The following PDHA1 variants were observed in gnomAD, a reference collection of about 807,000 sequenced individuals.
PDHA1 encodes the protein pyruvate dehydrogenase E1 component subunit alpha, somatic form, mitochondrial.
PDHA1 carries 1 observed loss-of-function variant against 33.0 expected under a neutral mutation model. The ratio of observed to expected loss-of-function variants is 0.03; its 90% CI spans 0.01 to 0.14. The LOEUF (loss-of-function observed/expected upper bound fraction) is 0.14, where lower values mean the gene tolerates loss of function less well. Among genes scored for constraint, PDHA1 ranks in the 10% least tolerant of loss-of-function variants. The pLI, the probability that PDHA1 is intolerant of heterozygous loss-of-function variation, is 1.00. For missense variants in PDHA1, 168 were observed against 325.1 expected (o/e 0.52, Z 3.72); for synonymous variants, 123 against 119.2 (o/e 1.03, Z -0.21).
chrX:19,355,185 C>T lies in PDHA1; in HGVS notation c.604-164C>T, dbSNP rs1602227321. Reference sequence around the variant, plus strand: ...AGTATGATGCCTGCTACTTCTCCTCCACCACCCACCCCGCTTTCCCTCACC... The same window carrying T: ...AGTATGATGCCTGCTACTTCTCCTCTACCACCCACCCCGCTTTCCCTCACC... On this transcript the variant is annotated intron_variant, in intron 6 of 10. Transcript: ENST00000422285. The T allele has an allele frequency of 1.8e-5, 10 of 568,482 alleles. No individual in the cohort carries two copies. The East Asian group carries it at 3.1e-4, about 18-fold the overall frequency. The allele number at this position is 568,482 out of a possible 1,213,427, so 46.8% of individuals were successfully genotyped here.
chrX:19,357,501 T>TCAAC, intron 8 of PDHA1, 151 bp from the exon 9 acceptor site: 1 of 560,050 alleles, frequency 1.8e-6, no homozygotes. Context: ...AACAGATCAG[T>TCAAC]CAACCAATAA....
In PDHA1 at chrX:19,360,673, C is replaced by T; in HGVS notation, c.*1020C>T. The stretch of plus-strand genomic sequence containing the variant: ...TTAAATATGTAAACACAGCGGAATT[C>T]GTGTATACACTAACAGAAGCTTTAA... On this transcript the variant is annotated 3_prime_UTR_variant, in exon 11 of 11. Transcript: ENST00000422285. 1.1e-5 allele frequency: 8 copies of T among 749,775 alleles called. No individual in the cohort carries two copies. The highest frequency in any genetic ancestry group is 9.6e-5 in the East Asian group (3 of 31,235). The allele number at this position is 749,775 out of a possible 1,213,427, so 61.8% of individuals were successfully genotyped here.
At chrX:19,349,291 T>C in intron 1 of PDHA1, 21 bp from the exon 2 acceptor site, 1 of 1,070,472 alleles carries the variant, frequency 9.3e-7, no homozygotes, top group East Asian at 3.0e-5. Flanking sequence ...CTGATTTGTT[T>C]GTATATTTTT....
At chrX:19,351,227 T>C (rs1220674555) in intron 3 of PDHA1, 54 bp from the exon 4 acceptor site, 1 of 1,169,267 alleles carries the variant, frequency 8.6e-7, no homozygotes, top group Non-Finnish European at 1.2e-6. Flanking sequence ...GGAAACGTTT[T>C]TATTTAGAAA....
In PDHA1 at chrX:19,360,922, A is replaced by C; in HGVS notation, c.*1269A>C. On this transcript the variant is annotated 3_prime_UTR_variant, in exon 11 of 11. Transcript: ENST00000422285. ...GTCCCTAATTTAAAAACCTAATGAAAATAAAAACATTCTCCTCACATATGG... is the reference window on the plus strand; with the variant it reads ...GTCCCTAATTTAAAAACCTAATGAACATAAAAACATTCTCCTCACATATGG... 1.5e-6 allele frequency: 1 copy of C among 682,709 alleles called. No individual in the cohort carries two copies. Among genetic ancestry groups the C allele is most frequent in the Non-Finnish European group, 2.2e-6 (1 of 450,724 alleles). 56.3% of individuals were successfully genotyped at this position (682,709 alleles called of 1,213,427 possible).
At chrX:19,355,175 A>G in intron 6 of PDHA1, 174 bp from the exon 7 acceptor site, 1 of 531,418 alleles carries the variant, frequency 1.9e-6, no homozygotes, top group Non-Finnish European at 3.3e-6. Flanking sequence ...GATGCCTGCT[A>G]CTTCTCCTCC....
Position 19,351,523 on chromosome X carries a change from CCT to C in PDHA1, c.418+122_418+123del, listed in dbSNP as rs1366110798. On this transcript the variant is annotated intron_variant, in intron 4 of 10. Transcript: ENST00000422285. ...AAAATTTTAAGTTTCTTTTTTTAAC[CCT>C]CTCTCCTTTGGTGCTCTGGTACTTC... The C allele has an allele frequency of 9.3e-6, 6 of 648,402 alleles. No homozygotes were observed. In the East Asian group the frequency reaches 2.1e-4, roughly 22 times the overall value. 53.4% of individuals were successfully genotyped at this position (648,402 alleles called of 1,213,427 possible).
At position 19,351,795 on chromosome X, in the gene PDHA1, GT is replaced by G. The variant is rs780357581; in HGVS notation, c.418+409del. ...CCGTGACTATTTGTTTGTTTTGGTG[GT>G]TTTTTTTTTTTTTTTTTTTTGAGAC... On this transcript the variant is annotated intron_variant, in intron 4 of 10. Coordinates refer to ENST00000422285, the MANE Select transcript of PDHA1 (RefSeq NM_000284.4). 3.7e-3 allele frequency among the ~76,000 whole-genome samples: 275 copies of G among 74,338 alleles called. 2 individuals carry two copies. Among genetic ancestry groups the G allele is most frequent in the East Asian group, 0.012 (31 of 2,671 alleles). The allele number at this position is 74,338 out of a possible 115,157, so 64.6% of individuals were successfully genotyped here.
rs1435712891 is a variant in PDHA1 at position 19,357,643 on chromosome X, C to CTGTT, written c.832-7_832-4dup. On this transcript the variant is annotated splice_polypyrimidine_tract_variant and intron_variant, in intron 8 of 10. Coordinates refer to ENST00000422285, the MANE Select transcript of PDHA1 (RefSeq NM_000284.4). The stretch of plus-strand genomic sequence containing the variant: ...CTAACTAACTAACTGCCTACCGGTT[C>CTGTT]TGTTTTAGGGGCCCATCCTGATGGA... 8.3e-7 allele frequency: 1 copy of CTGTT among 1,203,292 alleles called. No individual in the cohort carries two copies. Among genetic ancestry groups the CTGTT allele is most frequent in the Admixed American group, 2.2e-5 (1 of 46,032 alleles).
chrX:19,345,572 TAAAAAAAAAAAAAAAA>T (rs11318265), intron 1 of PDHA1, among the ~76,000 whole-genome samples: 5 of 30,269 alleles, frequency 1.7e-4, no homozygotes, highest in South Asian at 2.9e-3. Flanking sequence ...CTCCGTATTT[TAAAAAAAAAAAAAAAA>T]AAAAAAAAAA....
At chrX:19,359,381 T>TACTTGTAGTTAAAGA (rs1271998595) in intron 10 of PDHA1, 108 bp from the exon 11 acceptor site, 1 of 627,623 alleles carries the variant, frequency 1.6e-6, no homozygotes, top group Non-Finnish European at 2.7e-6. Flanking sequence ...CAACTGTTCG[T>TACTTGTAGTTAAAGA]ACTTGTAGTT....
Position 19,359,010 on chromosome X carries a change from G to A in PDHA1, c.994G>A (p.Val332Met). Residue 332 changes from valine to methionine, a missense_variant, in exon 10 of 11, where the codon GTG becomes ATG. Coordinates refer to ENST00000422285, the MANE Select transcript of PDHA1 (RefSeq NM_000284.4). Reference sequence around the variant, plus strand: ...GATGGTGAACAGCAATCTTGCCAGTGTGGAAGAACTAAAGGTACAGTCACT... The same window carrying A: ...GATGGTGAACAGCAATCTTGCCAGTATGGAAGAACTAAAGGTACAGTCACT... The part of the protein sequence containing the change: ...DRMVNSNLAS[V>M]EELKEIDVEV... The A allele has an allele frequency of 8.6e-7, 1 of 1,157,828 alleles. No individual in the cohort carries two copies. Among genetic ancestry groups the A allele is most frequent in the African/African-American group, 1.8e-5 (1 of 56,737 alleles).
chrX:19,360,422 G>GGCTCACTGCAGCC lies in PDHA1; in HGVS notation c.*770_*782dup, dbSNP rs2063268691. ...GGCTGGAGTGCAGTGGTGTGATCAT[G>GGCTCACTGCAGCC]GCTCACTGCAGCCTCCACACCTCCT... On this transcript the variant is annotated 3_prime_UTR_variant, in exon 11 of 11. Transcript: ENST00000422285. 2 of 212,354 alleles carry GGCTCACTGCAGCC rather than the reference G, an allele frequency of 9.4e-6. No homozygotes were observed. Among genetic ancestry groups the GGCTCACTGCAGCC allele is most frequent in the East Asian group, 3.2e-4 (2 of 6,281 alleles). The allele number at this position is 212,354 out of a possible 1,213,427, so 17.5% of individuals were successfully genotyped here. A position where few individuals can be genotyped will look rare whatever the true frequency, so the allele number is the denominator to read the frequency against.
At position 19,352,256 on chromosome X, in the gene PDHA1, C is replaced by A. The variant is rs192581246; in HGVS notation, c.419-826C>A. 5.6e-3 allele frequency among the ~76,000 whole-genome samples: 504 copies of A among 90,407 alleles called. 1 individual carries two copies. Among genetic ancestry groups the A allele is most frequent in the African/African-American group, 0.02 (476 of 24,145 alleles). The allele number at this position is 90,407 out of a possible 115,157, so 78.5% of individuals were successfully genotyped here. A position where few individuals can be genotyped will look rare whatever the true frequency, so the allele number is the denominator to read the frequency against. On this transcript the variant is annotated intron_variant, in intron 4 of 10. Transcript: ENST00000422285. ...TTTTTTTTTTTTTGAGACAGAGTTTCACTCTTTCACCCAGGCTGGAGTGGC... is the reference window on the plus strand; with the variant it reads ...TTTTTTTTTTTTTGAGACAGAGTTTAACTCTTTCACCCAGGCTGGAGTGGC...
intron 3 of PDHA1, 46 bp from the exon 4 acceptor site, chrX:19,351,234 GA>G: frequency 1.7e-6 from 2 of 1,184,935 alleles, no homozygotes; most frequent in Non-Finnish European, 2.3e-6. Context: ...TTTTTATTTA[GA>G]AACATGTATC....
chrX:19,343,988 G>T lies in PDHA1; in HGVS notation c.-50G>T, dbSNP rs771905403. The T allele has an allele frequency of 8.7e-7, 1 of 1,155,552 alleles. No individual in the cohort carries two copies. The highest frequency in any genetic ancestry group is 1.8e-5 in the African/African-American group (1 of 56,572). ...AAGGAGACTTGGGGGCACCCGCGTC[G>T]TGCCTCCTGGGTTGTGAGGAGTCGC... On this transcript the variant is annotated 5_prime_UTR_variant, in exon 1 of 11. Coordinates refer to ENST00000422285, the MANE Select transcript of PDHA1 (RefSeq NM_000284.4).
chrX:19,355,639 T>C, intron 7 of PDHA1, 47 bp from the exon 8 acceptor site: 1 of 1,132,160 alleles, frequency 8.8e-7, no homozygotes, highest in Non-Finnish European at 1.2e-6. Flanking sequence ...GTAAAATGGT[T>C]TGGGGCAGTT....
In PDHA1 at chrX:19,345,745, T is replaced by TCCCCCCCC. The variant is rs745880160; in HGVS notation, c.57+1656_57+1663dup. 1.5e-4 allele frequency: 25 copies of TCCCCCCCC among 170,160 alleles called. 1 individual carries two copies. The highest frequency in any genetic ancestry group is 1.1e-3 in the African/African-American group (23 of 20,096). 14.0% of individuals were successfully genotyped at this position (170,160 alleles called of 1,213,427 possible). A position where few individuals can be genotyped will look rare whatever the true frequency, so the allele number is the denominator to read the frequency against. ...TTGTTTCCTGTATCAGTTTGCAGGG[T>TCCCCCCCC]CCCCCCCCCCCCGCCACCTTACAGT... On this transcript the variant is annotated intron_variant, in intron 1 of 10. Transcript: ENST00000422285.
At chrX:19,358,283 T>G (rs191854650) in intron 9 of PDHA1, among the ~76,000 whole-genome samples, 1 of 112,612 alleles carries the variant, frequency 8.9e-6, no homozygotes, top group African/African-American at 3.2e-5. Flanking sequence ...TAGAGTGGAC[T>G]TCTAAGGAAA....
Sources: gnomAD v4.1 joint callset for allele counts (sites outside exome capture counted in the v4.1 genomes callset) on GRCh38, gnomAD v4.1.1 for gene constraint, MANE v1.5 for transcripts, NCBI Gene and HGNC (gene_info 2026-07-23, HGNC 2026-07-21) for gene names.